DDX47: variants seen among roughly 807,000 people sequenced by gnomAD.
DDX47 encodes the protein probable ATP-dependent RNA helicase DDX47.
In DDX47, 60 loss-of-function variants were observed where a neutral mutation model predicts 58.8. That is an observed-to-expected ratio of 1.02 (90% CI 0.83 to 1.26). The LOEUF is 1.26. DDX47 is among the 50% of genes most tolerant of loss of function. The probability of loss-of-function intolerance (pLI) is 0.00; values close to 1 mark genes in which losing one functional copy is unlikely to be tolerated. For missense variants in DDX47, 530 were observed against 573.2 expected, an observed-to-expected ratio of 0.92 and a Z score of 0.77; for synonymous variants, 197 against 204.6, an observed-to-expected ratio of 0.96 and a Z score of 0.32.
rs759283984 is a variant in DDX47 at position 12,814,241 on chromosome 12, C to T, written c.181+17C>T. ...CCTTACAAGGTAGGTTGTATGACTT[C>T]GTACAGATTTAATATAAAGTTATCT... On this transcript the variant is annotated intron_variant, in intron 2 of 11. Transcript: ENST00000358007. 43 of 1,478,210 alleles carry T rather than the reference C, an allele frequency of 2.9e-5. No homozygotes were observed. In the East Asian group the frequency reaches 7.0e-4, roughly 24 times the overall value. 91.6% of individuals were successfully genotyped at this position (1,478,210 alleles called of 1,614,324 possible). A position where few individuals can be genotyped will look rare whatever the true frequency, so the allele number is the denominator to read the frequency against.
In DDX47 at chr12:12,823,952, G is replaced by T. The variant is rs1344539305; in HGVS notation, c.833G>T (p.Arg278Ile). The T allele has an allele frequency of 2.0e-5, 33 of 1,614,110 alleles. No individual in the cohort carries two copies. Among genetic ancestry groups the T allele is most frequent in the Non-Finnish European group, 2.7e-5 (32 of 1,180,010 alleles). Residue 278 changes from arginine (R) to isoleucine (I), a missense_variant, in exon 8 of 12, where the codon AGA becomes ATA. Physicochemically the swap from Arg to Ile is moderately conservative, Grantham distance 97 (BLOSUM62 -3). Coordinates refer to ENST00000358007, the MANE Select transcript of DDX47 (RefSeq NM_016355.4). ...TGCAGCACCTGTAATAATACCCAGA[G>T]AACAGCTTTGCTACTGCGAAATCTT... ...IFCSTCNNTQ[R>I]TALLLRNLGF...
At chr12:12,825,886 G>A in intron 9 of DDX47, 114 bp from the exon 10 acceptor site, 2 of 758,328 alleles carry the variant, frequency 2.6e-6, no homozygotes, top group Non-Finnish European at 4.0e-6. Context: ...TTTTCTCCAT[G>A]TTACGAAATG....
At chr12:12,825,974 G>T (rs370292279) in intron 9 of DDX47, 26 bp from the exon 10 acceptor site, 12 of 1,584,870 alleles carry the variant, frequency 7.6e-6, no homozygotes, top group African/African-American at 4.1e-5. Flanking sequence ...CATATAACTT[G>T]AATTTATTTA....
At chr12:12,818,395 C>T (rs1270242690) in intron 2 of DDX47, among the ~76,000 whole-genome samples, 1 of 152,094 alleles carries the variant, frequency 6.6e-6, no homozygotes, top group African/African-American at 2.4e-5. Flanking sequence ...GTGACGGGCA[C>T]CTGTAGTCCC....
chr12:12,828,575 G>A (rs1225374394), intron 11 of DDX47, among the ~76,000 whole-genome samples: 2 of 152,176 alleles, frequency 1.3e-5, no homozygotes, highest in Non-Finnish European at 2.9e-5. Context: ...CTGGAGTTCT[G>A]GTCTGAGGGA....
chr12:12,821,103 A>C, intron 2 of DDX47, 105 bp from the exon 3 acceptor site: 1 of 1,158,574 alleles, frequency 8.6e-7, no homozygotes, highest in Non-Finnish European at 1.2e-6. Context: ...CCAGTTCATC[A>C]GATATTTATT....
rs1369308595 is a variant in DDX47, at chr12:12,821,284, G to A, written c.258G>A (p.Leu86=). The change falls in exon 3 of 12, where the codon CTG becomes CTA. Residue 86 remains leucine (L), a synonymous_variant. Coordinates refer to ENST00000358007, the MANE Select transcript of DDX47 (RefSeq NM_016355.4). ...TTGCTTTGCCCATTCTAAACGCACTGCTGGAGACCCCGCAGCGTTTGTTTG... is the reference window on the plus strand; with the variant it reads ...TTGCTTTGCCCATTCTAAACGCACTACTGGAGACCCCGCAGCGTTTGTTTG... ...GAFALPILNA[L]LETPQRLFAL... 2 of 1,614,104 alleles carry A rather than the reference G, an allele frequency of 1.2e-6. No individual in the cohort carries two copies. Among genetic ancestry groups the A allele is most frequent in the African/African-American group, 1.3e-5 (1 of 74,934 alleles).
intron 4 of DDX47, 33 bp downstream of exon 4, chr12:12,821,759 A>C: frequency 6.5e-7 from 1 of 1,527,042 alleles, no homozygotes; most frequent in Middle Eastern, 1.7e-4. Context: ...AGACACTGGC[A>C]GTGATGAATT....
rs778765032 is a variant in DDX47, at chr12:12,826,016, T to G, written c.1052T>G (p.Val351Gly). The G allele has an allele frequency of 1.9e-6, 3 of 1,612,966 alleles. No homozygotes were observed. Among genetic ancestry groups the G allele is most frequent in the Non-Finnish European group, 2.5e-6 (3 of 1,179,534 alleles). Residue 351 changes from valine to glycine, a missense_variant, in exon 10 of 12, where the codon GTA becomes GGA. Transcript: ENST00000358007. ...TTGTTTTAGGATTACATCCATCGAG[T>G]AGGTCGAACAGCTAGAGCTGGGCGC... ...PTHSKDYIHR[V>G]GRTARAGRSG...
At chr12:12,813,525 G>C in intron 1 of DDX47, 71 bp downstream of exon 1, 1 of 1,345,924 alleles carries the variant, frequency 7.4e-7, no homozygotes, top group Non-Finnish European at 1.0e-6. Context: ...AGGTACCTTA[G>C]ATCCCGCTCT....
At chr12:12,822,132 T>C in intron 5 of DDX47, 49 bp downstream of exon 5, 1 of 1,394,898 alleles carries the variant, frequency 7.2e-7, no homozygotes, top group Non-Finnish European at 1.0e-6. Flanking sequence ...AAGGTTCCTG[T>C]TTCAAAATTT....
chr12:12,823,105 A>G (rs978982784), intron 6 of DDX47, 98 bp from the exon 7 acceptor site: 9 of 809,774 alleles, frequency 1.1e-5, no homozygotes, highest in Admixed American at 2.0e-5. Flanking sequence ...GGGGATTACA[A>G]TTCAACATGA....
intron 11 of DDX47, among the ~76,000 whole-genome samples, chr12:12,828,826 A>G (rs1172126006): frequency 1.3e-5 from 2 of 152,254 alleles, no homozygotes; most frequent in African/African-American, 2.4e-5. Context: ...ATCTAATTAT[A>G]TAGGATTAAC....
intron 7 of DDX47, chr12:12,823,541 A>G (rs757967022): frequency 1.8e-6 from 1 of 562,180 alleles, no homozygotes; most frequent in Non-Finnish European, 3.2e-6. Flanking sequence ...GTAATCATAT[A>G]ATTCCTTCCC....
intron 5 of DDX47, 143 bp downstream of exon 5, chr12:12,822,226 C>A: frequency 1.6e-6 from 1 of 608,244 alleles, no homozygotes; most frequent in Non-Finnish European, 2.9e-6. Flanking sequence ...AGTTTCTCAG[C>A]ACCCTTTTAT....
At chr12:12,819,194 C>T (rs1415704554) in intron 2 of DDX47, among the ~76,000 whole-genome samples, 1 of 152,168 alleles carries the variant, frequency 6.6e-6, no homozygotes, top group Admixed American at 6.5e-5. Flanking sequence ...TTCTCAGTCT[C>T]TTCTTCTGGT....
intron 1 of DDX47, 36 bp downstream of exon 1, chr12:12,813,490 C>T (rs752960784): frequency 2.6e-6 from 4 of 1,558,306 alleles, no homozygotes; most frequent in African/African-American, 1.4e-5. Context: ...TTTATGTACT[C>T]TGGTGCTAGG....
chr12:12,826,983 C>G (rs185517179), intron 10 of DDX47, among the ~76,000 whole-genome samples: 2 of 152,112 alleles, frequency 1.3e-5, no homozygotes, highest in Admixed American at 6.5e-5. Context: ...TCTGGAACTC[C>G]TGGTCTCAAG....
In DDX47 at chr12:12,823,239, G is replaced by A. The variant is rs1261298340; in HGVS notation, c.670G>A (p.Val224Met). Residue 224 changes from valine (V) to methionine (M), a missense_variant, in exon 7 of 12, where the codon GTG becomes ATG. Val to Met is a conservative substitution (Grantham distance 21). Transcript: ENST00000358007. ...KLQRAALKNP[V>M]KCAVSSKYQT... is the part of the protein sequence containing the mutation. ...TCAGCGAGCAGCTCTGAAGAATCCT[G>A]TGAAATGTGCCGTTTCCTCTAAATA... 2 of 1,613,926 alleles carry A rather than the reference G, an allele frequency of 1.2e-6. No individual in the cohort carries two copies. The highest frequency in any genetic ancestry group is 2.2e-5 in the East Asian group (1 of 44,900).
Sources: gnomAD v4.1 joint callset for allele counts (sites outside exome capture counted in the v4.1 genomes callset) on GRCh38, gnomAD v4.1.1 for gene constraint, MANE v1.5 for transcripts, NCBI Gene and HGNC (gene_info 2026-07-23, HGNC 2026-07-21) for gene names.